Variants in CEP128 observed in about 807,000 individuals in gnomAD.
The protein encoded by CEP128 is centrosomal protein 128kDa.
CEP128 carries 132 observed loss-of-function variants against 156.7 expected under a neutral mutation model. The ratio of observed to expected loss-of-function variants is 0.84; its 90% CI spans 0.73 to 0.97. The LOEUF (loss-of-function observed/expected upper bound fraction) is 0.97. Ranked by LOEUF, CEP128 falls within the 50% of genes least tolerant of loss-of-function variation. The probability of loss-of-function intolerance (pLI) is 0.00; values close to 1 mark genes in which losing one functional copy is unlikely to be tolerated. For missense variants in CEP128, 1,252 were observed against 1,281.9 expected (o/e 0.98, Z 0.36); for synonymous variants, 469 against 448.9 (o/e 1.04, Z -0.57).
At chr14:80,615,640 G>A (rs972401280) in intron 19 of CEP128, among the ~76,000 whole-genome samples, 3 of 152,178 alleles carry the variant, frequency 2.0e-5, no homozygotes, top group African/African-American at 2.4e-5. Flanking sequence ...ACCTGAGGTC[G>A]GAGTTCAAGA....
chr14:80,917,080 G>A (rs1884605088), intron 2 of CEP128, among the ~76,000 whole-genome samples: 1 of 152,102 alleles, frequency 6.6e-6, no homozygotes, highest in South Asian at 2.1e-4. Context: ...TTCAAATAGA[G>A]TAGAATTAAA....
downstream of CEP128, among the ~76,000 whole-genome samples, chr14:80,487,710 G>C (rs1161594508): frequency 1.3e-5 from 2 of 152,128 alleles, no homozygotes; most frequent in Non-Finnish European, 2.9e-5. Context: ...CTAGAACTCA[G>C]GACTAAGAAA....
chr14:80,633,090 G>A (rs1485226426), intron 19 of CEP128, among the ~76,000 whole-genome samples: 2 of 151,980 alleles, frequency 1.3e-5, no homozygotes, highest in African/African-American at 4.8e-5. Context: ...AGCTGGGTAT[G>A]GTGATGTGTG....
intron 8 of CEP128, among the ~76,000 whole-genome samples, chr14:80,873,202 C>A (rs964721256): frequency 2.6e-5 from 4 of 152,152 alleles, no homozygotes; most frequent in Non-Finnish European, 4.4e-5. Context: ...ACAGCAATTA[C>A]ACCAATGAGC....
At chr14:80,860,644 A>G (rs1282925592) in intron 9 of CEP128, among the ~76,000 whole-genome samples, 1 of 152,086 alleles carries the variant, frequency 6.6e-6, no homozygotes, top group Admixed American at 6.5e-5. Flanking sequence ...GCTTACCCAC[A>G]TGCTGTATCT....
rs183888959 is a variant in CEP128, at chr14:80,758,303, C to T, written c.2554-1352G>A. Among the ~76,000 whole-genome samples, 235 of 152,312 alleles carry T rather than the reference C, an allele frequency of 1.5e-3. 2 individuals carry two copies. The highest frequency in any genetic ancestry group is 5.6e-3 in the African/African-American group (231 of 41,562). On this transcript the variant is annotated intron_variant, in intron 17 of 24. Transcript: ENST00000555265. ...TTGGGAGGCCGAGGCTGGTGGATCA[C>T]CTGAGGTCAGGAGTACAAGACCAGC...
chr14:80,792,698 G>T lies in CEP128; in HGVS notation c.1560+62C>A, dbSNP rs1595406519. On this transcript the variant is annotated intron_variant, in intron 14 of 24. Transcript: ENST00000555265. ...ATGGCACTCAAGTGTTTTTTCAAAGGATAGATGAATGAATGGTTGAATCAC... is the reference window on the plus strand; with the variant it reads ...ATGGCACTCAAGTGTTTTTTCAAAGTATAGATGAATGAATGGTTGAATCAC... 2.2e-6 allele frequency: 3 copies of T among 1,355,440 alleles called. No individual in the cohort carries two copies. The East Asian group carries it at 6.9e-5, about 31-fold the overall frequency. The allele number at this position is 1,355,440 out of a possible 1,614,324, so 84.0% of individuals were successfully genotyped here.
intron 9 of CEP128, among the ~76,000 whole-genome samples, chr14:80,849,162 G>A (rs1886762568): frequency 1.3e-5 from 2 of 152,050 alleles, no homozygotes; most frequent in South Asian, 4.1e-4. Context: ...GAGAGGCAAA[G>A]ACATAAAGGA....
At chr14:80,904,534 T>C (rs1595570310) in intron 6 of CEP128, among the ~76,000 whole-genome samples, 4 of 152,254 alleles carry the variant, frequency 2.6e-5, no homozygotes, top group African/African-American at 9.6e-5. Flanking sequence ...AGCAAGGTGA[T>C]AGATGTTAAT....
In CEP128 at chr14:80,540,223, T is replaced by C. The variant is rs190639208; in HGVS notation, c.2881-9337A>G. 2.8e-3 allele frequency among the ~76,000 whole-genome samples: 396 copies of C among 141,292 alleles called. 4 individuals carry two copies. Among genetic ancestry groups the C allele is most frequent in the Non-Finnish European group, 3.6e-3 (235 of 65,382 alleles). The allele number at this position is 141,292 out of a possible 152,430, so 92.7% of individuals were successfully genotyped here. A position where few individuals can be genotyped will look rare whatever the true frequency, so the allele number is the denominator to read the frequency against. On this transcript the variant is annotated intron_variant, in intron 21 of 24. Transcript: ENST00000555265. ...CCCCCCCCCCTTTTGAAACCCTTAA[T>C]AAAAACTTGCTGGTCTGAGACTCAG...
intron 19 of CEP128, among the ~76,000 whole-genome samples, chr14:80,718,158 G>A (rs1450169765): frequency 2.6e-5 from 4 of 152,152 alleles, no homozygotes; most frequent in Non-Finnish European, 4.4e-5. Flanking sequence ...GTAGTTGAAG[G>A]TGTGAATGAC....
intron 1 of CEP128, among the ~76,000 whole-genome samples, chr14:80,959,208 G>A (rs1011535380): frequency 1.3e-5 from 2 of 152,042 alleles, no homozygotes; most frequent in Admixed American, 1.3e-4. Flanking sequence ...GGAAGGTGAG[G>A]GAGAGCTGGG....
At chr14:80,797,863 C>T (rs1235885812) in intron 13 of CEP128, among the ~76,000 whole-genome samples, 2 of 152,074 alleles carry the variant, frequency 1.3e-5, no homozygotes, top group Non-Finnish European at 2.9e-5. Context: ...ACATGAAATG[C>T]TAAATGAAAA....
At chr14:80,545,090 T>C (rs1021874362) in intron 21 of CEP128, among the ~76,000 whole-genome samples, 1 of 152,232 alleles carries the variant, frequency 6.6e-6, no homozygotes, top group Admixed American at 6.5e-5. Context: ...ATCCTCTTCA[T>C]CCTCTTAGTC....
chr14:80,530,677 G>A (rs17110731), intron 22 of CEP128, 132 bp downstream of exon 22: 26,475 of 496,720 alleles, frequency 0.053, 1,108 homozygotes, highest in African/African-American at 0.15. Context: ...ACCCTGATAA[G>A]GTGGTATGTT....
chr14:80,536,173 A>G (rs1372806899), intron 21 of CEP128, among the ~76,000 whole-genome samples: 1 of 152,232 alleles, frequency 6.6e-6, no homozygotes, highest in Non-Finnish European at 1.5e-5. Flanking sequence ...AGCAGCAATT[A>G]GGAATTAAAA....
rs201149406 is a variant in CEP128, at chr14:80,793,002, C to G, written c.1318G>C (p.Ala440Pro). The G allele has an allele frequency of 1.4e-5, 23 of 1,614,068 alleles. No individual in the cohort carries two copies. The Admixed American group carries it at 2.7e-4, about 19-fold the overall frequency. The change falls in exon 14 of 25, where the codon GCT becomes CCT. Residue 440 changes from alanine (A) to proline (P), a missense_variant. Ala to Pro is a conservative substitution (Grantham distance 27). Coordinates refer to ENST00000555265, the MANE Select transcript of CEP128 (RefSeq NM_152446.5). ...GTCAGCTCTGAGATCTGAAGGTCAG[C>G]ATGCTTACGCTCGGCCTCACATGTG... ...FDTCEAERKH[A>P]DLQISELTRH...
chr14:80,533,068 T>A (rs1889303544), intron 21 of CEP128, among the ~76,000 whole-genome samples: 3 of 152,196 alleles, frequency 2.0e-5, no homozygotes, highest in Admixed American at 2.0e-4. Context: ...AATTTTTTCA[T>A]GTGTAGGAAA....
intron 8 of CEP128, among the ~76,000 whole-genome samples, chr14:80,879,244 A>G (rs1298038635): frequency 6.6e-6 from 1 of 152,184 alleles, no homozygotes; most frequent in African/African-American, 2.4e-5. Flanking sequence ...TGACCGTACC[A>G]CCAGATAGGC....
Sources: allele counts gnomAD v4.1 joint callset (sites outside exome capture counted in the v4.1 genomes callset), GRCh38; gene constraint gnomAD v4.1.1; transcripts MANE v1.5; gene names NCBI Gene and HGNC (gene_info 2026-07-23, HGNC 2026-07-21).